NRXN3: variants seen among roughly 807,000 people sequenced by gnomAD.
The protein encoded by NRXN3 is neurexin III.
Under a neutral mutation model 137.6 loss-of-function variants are expected in NRXN3, and 32 were observed. The observed-to-expected ratio is 0.23, with a 90% CI of 0.18 to 0.31. The LOEUF is 0.31. Ranked by LOEUF, NRXN3 falls within the 10% of genes least tolerant of loss-of-function variation. The pLI, the probability that NRXN3 is intolerant of heterozygous loss-of-function variation, is 1.00. For synonymous variants in NRXN3, 798 were observed against 784.5 expected, an observed-to-expected ratio of 1.02 and a Z score of -0.29; for missense variants, 1,574 against 2,062.5, an observed-to-expected ratio of 0.76 and a Z score of 4.59.
chr14:78,569,367 G>T (rs549270951), intron 4 of NRXN3, among the ~76,000 whole-genome samples: 2 of 150,760 alleles, frequency 1.3e-5, no homozygotes, highest in African/African-American at 4.9e-5. Context: ...CCGGGTTCAC[G>T]CCATTCTCCT....
chr14:79,842,742 T>C (rs2099358758), intron 20 of NRXN3, among the ~76,000 whole-genome samples: 2 of 152,180 alleles, frequency 1.3e-5, no homozygotes. Flanking sequence ...CATTTTCCCC[T>C]TATGTCAAGA....
chr14:78,319,226 C>T (rs903545277), intron 4 of NRXN3, among the ~76,000 whole-genome samples: 8 of 152,310 alleles, frequency 5.3e-5, no homozygotes, highest in Admixed American at 2.6e-4. Flanking sequence ...CAGGCAACCA[C>T]GCAAGTGCCT....
intron 7 of NRXN3, among the ~76,000 whole-genome samples, chr14:78,711,807 C>T (rs12147576): frequency 0.062 from 9,479 of 152,174 alleles, 341 homozygotes; most frequent in Middle Eastern, 0.19. Flanking sequence ...AGTAAACAAA[C>T]AATTGTCCCA....
At chr14:78,945,470 A>G (rs996456766) in intron 10 of NRXN3, among the ~76,000 whole-genome samples, 11 of 152,056 alleles carry the variant, frequency 7.2e-5, no homozygotes, top group African/African-American at 2.7e-4. Context: ...ATATTTCACT[A>G]TGAGGATTAG....
rs1259224205 is a variant in NRXN3, at chr14:78,943,619, A to AT, written c.2276-13623_2276-13622insT. On this transcript the variant is annotated intron_variant, in intron 10 of 20. Coordinates refer to ENST00000335750, the MANE Select transcript of NRXN3 (RefSeq NM_001330195.2). ...GAAGCAAGATCACTGTTAAAAAAAAAAAATATATATATATATATATATATA... is the reference window on the plus strand; with the variant it reads ...GAAGCAAGATCACTGTTAAAAAAAAATAAATATATATATATATATATATATA... Among the ~76,000 whole-genome samples, 352 of 42,758 alleles carry AT rather than the reference A, an allele frequency of 8.2e-3. 19 individuals carry two copies. Among genetic ancestry groups the AT allele is most frequent in the African/African-American group, 0.031 (335 of 10,852 alleles). The allele number at this position is 42,758 out of a possible 152,430, so 28.1% of individuals were successfully genotyped here. A position where few individuals can be genotyped will look rare whatever the true frequency, so the allele number is the denominator to read the frequency against.
At chr14:78,422,906 C>G (rs184097298) in intron 4 of NRXN3, among the ~76,000 whole-genome samples, 1 of 152,116 alleles carries the variant, frequency 6.6e-6, no homozygotes, top group Non-Finnish European at 1.5e-5. Context: ...CCAAGAGAGA[C>G]GTGGATAGGA....
intron 1 of NRXN3, among the ~76,000 whole-genome samples, chr14:78,240,779 G>A (rs889895305): frequency 1.3e-5 from 2 of 152,130 alleles, no homozygotes; most frequent in Admixed American, 6.5e-5. Flanking sequence ...CCCCTTGTTC[G>A]TTGGGTTTGT....
chr14:79,839,849 A>T (rs911830399), intron 20 of NRXN3, among the ~76,000 whole-genome samples: 4 of 152,202 alleles, frequency 2.6e-5, no homozygotes, highest in African/African-American at 4.8e-5. Flanking sequence ...TTACTGCTTG[A>T]ATGGGCAGAA....
At chr14:78,592,383 C>T (rs779456847) in intron 4 of NRXN3, among the ~76,000 whole-genome samples, 5 of 152,216 alleles carry the variant, frequency 3.3e-5, no homozygotes, top group Admixed American at 1.3e-4. Context: ...AAGTTATTAT[C>T]GTGTGTTCTC....
At chr14:79,578,157 G>A (rs2097682296) in intron 16 of NRXN3, among the ~76,000 whole-genome samples, 1 of 152,148 alleles carries the variant, frequency 6.6e-6, no homozygotes, top group South Asian at 2.1e-4. Context: ...AAAGCTGTTG[G>A]ACTCATCATT....
In NRXN3 at chr14:79,858,542, T is replaced by C. The variant is rs894514592; in HGVS notation, c.4094-2800T>C. ...TTAACCTAGTTTCCTCTTTGCTTAC[T>C]CTACATGGGGTAGATTTGTCATTGC... On this transcript the variant is annotated intron_variant, in intron 20 of 20. Transcript: ENST00000335750. Among the ~76,000 whole-genome samples the C allele has an allele frequency of 1.3e-5, 2 of 152,290 alleles. 1 individual carries two copies.
intron 8 of NRXN3, among the ~76,000 whole-genome samples, chr14:78,789,733 T>C (rs2098799711): frequency 6.6e-6 from 1 of 152,208 alleles, no homozygotes; most frequent in Non-Finnish European, 1.5e-5. Context: ...TTGTGAAAGC[T>C]GTGCTTCTAC....
intron 4 of NRXN3, among the ~76,000 whole-genome samples, chr14:78,556,793 G>C (rs2096740689): frequency 6.6e-6 from 1 of 151,912 alleles, no homozygotes; most frequent in South Asian, 2.1e-4. Flanking sequence ...AAATAGCATT[G>C]TGATCATTGG....
In NRXN3 at chr14:78,472,021, T is replaced by A. The variant is rs192637873; in HGVS notation, c.758-173099T>A. Reference sequence around the variant, plus strand: ...CGAAAAAGAAAGTGGCTGTAAAAGATGGAACCTAAGCCTTTCCAAGCCAGA... The same window carrying A: ...CGAAAAAGAAAGTGGCTGTAAAAGAAGGAACCTAAGCCTTTCCAAGCCAGA... On this transcript the variant is annotated intron_variant, in intron 4 of 20. Transcript: ENST00000335750. Among the ~76,000 whole-genome samples the A allele has an allele frequency of 6.6e-5, 10 of 152,314 alleles. No homozygotes were observed. The East Asian group carries it at 1.7e-3, about 26-fold the overall frequency.
At position 78,644,479 on chromosome 14, in the gene NRXN3, G is replaced by T. The variant is rs529108163; in HGVS notation, c.758-641G>T. Among the ~76,000 whole-genome samples, 17 of 152,234 alleles carry T rather than the reference G, an allele frequency of 1.1e-4. No individual in the cohort carries two copies. The East Asian group carries it at 3.1e-3, about 28-fold the overall frequency. Reference sequence around the variant, plus strand: ...GCAGAGAGTCTTGAGTTTAACAGTGGTATTGCTGTCTTATCAAAACATATC... The same window carrying T: ...GCAGAGAGTCTTGAGTTTAACAGTGTTATTGCTGTCTTATCAAAACATATC... On this transcript the variant is annotated intron_variant, in intron 4 of 20. Coordinates refer to ENST00000335750, the MANE Select transcript of NRXN3 (RefSeq NM_001330195.2).
At chr14:79,756,488 C>G (rs60558485) in intron 19 of NRXN3, among the ~76,000 whole-genome samples, 10,391 of 152,198 alleles carry the variant, frequency 0.068, 410 homozygotes, top group South Asian at 0.14. Flanking sequence ...CTTAACTTGT[C>G]TTTTTACCAT....
At chr14:78,608,511 A>G (rs2097271588) in intron 4 of NRXN3, among the ~76,000 whole-genome samples, 1 of 152,220 alleles carries the variant, frequency 6.6e-6, no homozygotes, top group East Asian at 1.9e-4. Flanking sequence ...AATCCTCACT[A>G]GTGGGACATT....
chr14:79,769,807 C>G (rs2099070550), intron 19 of NRXN3, among the ~76,000 whole-genome samples: 2 of 151,964 alleles, frequency 1.3e-5, no homozygotes, highest in Non-Finnish European at 2.9e-5. Flanking sequence ...TTAAATTCTC[C>G]AATTAAAAGA....
chr14:79,773,334 T>A (rs1329046975), intron 19 of NRXN3, among the ~76,000 whole-genome samples: 1 of 151,960 alleles, frequency 6.6e-6, no homozygotes, highest in African/African-American at 2.4e-5. Context: ...CACACGTATG[T>A]TTATTGCGGC....
Sources: allele counts gnomAD v4.1 joint callset (sites outside exome capture counted in the v4.1 genomes callset), GRCh38; gene constraint gnomAD v4.1.1; transcripts MANE v1.5; gene names NCBI Gene and HGNC (gene_info 2026-07-23, HGNC 2026-07-21).